The following TBC1D22A variants were observed in gnomAD, a reference collection of about 807,000 sequenced individuals.
The protein encoded by TBC1D22A is putative GTPase activator.
A neutral mutation model predicts 60.2 loss-of-function variants in TBC1D22A; 38 were observed. That is an observed-to-expected ratio of 0.63 (90% CI 0.49 to 0.83). The LOEUF (loss-of-function observed/expected upper bound fraction) is 0.83. Ranked by LOEUF, TBC1D22A falls within the 40% of genes least tolerant of loss-of-function variation. TBC1D22A has a pLI of 0.00. For synonymous variants in TBC1D22A, 302 were observed against 281.7 expected (o/e 1.07, Z -0.72); for missense variants, 628 against 701.0 (o/e 0.90, Z 1.18).
intron 4 of TBC1D22A, among the ~76,000 whole-genome samples, chr22:46,800,935 C>G (rs573963769): frequency 2.6e-5 from 4 of 152,258 alleles, no homozygotes; most frequent in African/African-American, 7.2e-5. Context: ...GATGGGAACC[C>G]TGTGCTGGGT....
intron 10 of TBC1D22A, among the ~76,000 whole-genome samples, chr22:47,006,172 G>A (rs574658993): frequency 5.9e-5 from 9 of 152,256 alleles, no homozygotes; most frequent in Admixed American, 3.3e-4. Context: ...GCACATTTCC[G>A]TCGCTTGATG....
chr22:46,891,676 C>A (rs372644878), intron 6 of TBC1D22A, among the ~76,000 whole-genome samples: 14 of 152,188 alleles, frequency 9.2e-5, no homozygotes, highest in African/African-American at 3.1e-4. Context: ...ATTCCTGAGA[C>A]CGGCCTTGGG....
At chr22:47,117,749 T>C (rs2066122228) in intron 12 of TBC1D22A, among the ~76,000 whole-genome samples, 1 of 152,202 alleles carries the variant, frequency 6.6e-6, no homozygotes, top group Admixed American at 6.5e-5. Flanking sequence ...TAAACTTGAA[T>C]TTAAAACTGT....
chr22:46,767,380 G>A (rs755101183), intron 1 of TBC1D22A, among the ~76,000 whole-genome samples: 15 of 152,222 alleles, frequency 9.9e-5, no homozygotes, highest in African/African-American at 3.6e-4. Flanking sequence ...GGCTTAGCAC[G>A]ATTCTCTTTG....
At chr22:46,791,192 TG>T (rs2084390340) in intron 1 of TBC1D22A, among the ~76,000 whole-genome samples, 4 of 152,170 alleles carry the variant, frequency 2.6e-5, no homozygotes, top group Admixed American at 2.6e-4. Flanking sequence ...CCAATTTTTT[TG>T]TATTTTTTTG....
At chr22:46,827,293 C>T (rs1451531738) in intron 4 of TBC1D22A, among the ~76,000 whole-genome samples, 1 of 152,212 alleles carries the variant, frequency 6.6e-6, no homozygotes, top group Non-Finnish European at 1.5e-5. Flanking sequence ...GCAAGTCATG[C>T]AGGCCGAGTC....
At chr22:46,879,355 C>T (rs186458868) in intron 5 of TBC1D22A, among the ~76,000 whole-genome samples, 1 of 152,040 alleles carries the variant, frequency 6.6e-6, no homozygotes, top group Admixed American at 6.5e-5. Context: ...TCAGGCTTGC[C>T]GTTGGAAGTG....
intron 12 of TBC1D22A, among the ~76,000 whole-genome samples, chr22:47,153,804 T>C (rs1029527724): frequency 6.6e-6 from 1 of 152,108 alleles, no homozygotes; most frequent in African/African-American, 2.4e-5. Flanking sequence ...ATTGGGTGAC[T>C]GGCCGAGTGC....
chr22:47,115,085 G>T (rs2065985495), intron 12 of TBC1D22A, among the ~76,000 whole-genome samples: 1 of 152,154 alleles, frequency 6.6e-6, no homozygotes. Flanking sequence ...GCACAGCTGG[G>T]ATTGGTGCTG....
At chr22:46,931,996 T>C (rs1983567) in intron 8 of TBC1D22A, among the ~76,000 whole-genome samples, 117,379 of 152,142 alleles carry the variant, frequency 0.77, 45,430 homozygotes, top group Middle Eastern at 0.85. Flanking sequence ...AAAAATAAAT[T>C]TCTGCTCACA....
rs563799442 is a variant in TBC1D22A at position 46,842,891 on chromosome 22, T to G, written c.638-35762T>G. On this transcript the variant is annotated intron_variant, in intron 4 of 12. Transcript: ENST00000337137. ...ACAGTTGAATGGAGCAGTGTCTGGG[T>G]GACATCGATGAGAAGGGAGCTGAAG... 1.2e-4 allele frequency among the ~76,000 whole-genome samples: 18 copies of G among 152,264 alleles called. No individual in the cohort carries two copies. In the Middle Eastern group the frequency reaches 0.01, roughly 86 times the overall value.
intron 4 of TBC1D22A, among the ~76,000 whole-genome samples, chr22:46,834,656 G>T (rs974227): frequency 0.3 from 45,328 of 152,072 alleles, 7,026 homozygotes; most frequent in South Asian, 0.44. Flanking sequence ...AAGGGGCTGG[G>T]ACTGTCAGTA....
chr22:46,986,017 C>T (rs963560855), intron 9 of TBC1D22A, among the ~76,000 whole-genome samples: 17 of 152,138 alleles, frequency 1.1e-4, no homozygotes, highest in African/African-American at 3.4e-4. Flanking sequence ...AACATATACC[C>T]ATGTTATGAT....
At chr22:46,913,754 C>A in intron 8 of TBC1D22A, 2 of 985,324 alleles carry the variant, frequency 2.0e-6, no homozygotes, top group Non-Finnish European at 2.4e-6. Context: ...GTTAAATAGA[C>A]CATTTAATTA....
At chr22:46,901,556 A>G (rs1356619296) in intron 7 of TBC1D22A, among the ~76,000 whole-genome samples, 1 of 152,216 alleles carries the variant, frequency 6.6e-6, no homozygotes, top group African/African-American at 2.4e-5. Flanking sequence ...TCATCGCGAG[A>G]GAGTTCTACC....
At chr22:46,854,635 A>G (rs2147302961) in intron 4 of TBC1D22A, among the ~76,000 whole-genome samples, 1 of 150,850 alleles carries the variant, frequency 6.6e-6, no homozygotes, top group East Asian at 2.0e-4. Context: ...GACCTTTATG[A>G]TGTCTGCCCA....
intron 8 of TBC1D22A, among the ~76,000 whole-genome samples, chr22:46,971,095 A>T (rs913018714): frequency 1.3e-5 from 2 of 152,188 alleles, no homozygotes; most frequent in Non-Finnish European, 2.9e-5. Flanking sequence ...TTAGAAGACA[A>T]ATCACCACGG....
At chr22:47,006,526 C>G (rs1322381243) in intron 10 of TBC1D22A, among the ~76,000 whole-genome samples, 2 of 152,224 alleles carry the variant, frequency 1.3e-5, no homozygotes, top group Non-Finnish European at 2.9e-5. Context: ...GAGCCTGCGT[C>G]CACAGCACAT....
At chr22:47,050,312 G>A (rs1033235797) in intron 11 of TBC1D22A, among the ~76,000 whole-genome samples, 3 of 152,162 alleles carry the variant, frequency 2.0e-5, no homozygotes, top group Admixed American at 6.5e-5. Context: ...GCCGAGAGGG[G>A]GCATTTCTTT....
Sources: allele counts gnomAD v4.1 joint callset (sites outside exome capture counted in the v4.1 genomes callset), GRCh38; gene constraint gnomAD v4.1.1; transcripts MANE v1.5; gene names NCBI Gene and HGNC (gene_info 2026-07-23, HGNC 2026-07-21).